Variants in SPATA9 observed in about 807,000 individuals in gnomAD.
The protein encoded by SPATA9 is spermatogenesis associated 9.
Under a neutral mutation model 25.5 loss-of-function variants are expected in SPATA9, and 27 were observed. The ratio of observed to expected loss-of-function variants is 1.06; its 90% CI spans 0.78 to 1.46. The LOEUF (loss-of-function observed/expected upper bound fraction) is 1.46. Among genes scored for constraint, SPATA9 ranks in the 40% most tolerant of loss-of-function variants. SPATA9 has a pLI of 0.00. For synonymous variants in SPATA9, 102 were observed against 105.7 expected (o/e 0.97, Z 0.21); for missense variants, 282 against 297.5 (o/e 0.95, Z 0.38).
At chr5:95,726,338 T>G in the SPATA9 span, among the ~76,000 whole-genome samples, 2 of 152,334 alleles carry the variant, frequency 1.3e-5, no homozygotes, top group East Asian at 3.9e-4. Context: ...AGAAGAGACT[T>G]TGTAGCATTT....
intron 2 of SPATA9, among the ~76,000 whole-genome samples, chr5:95,681,412 A>G (rs1398679822): frequency 2.0e-5 from 3 of 152,024 alleles, no homozygotes; most frequent in Non-Finnish European, 4.4e-5. Flanking sequence ...TACCTTGAAA[A>G]CTACTATTCA....
chr5:95,730,654 T>C, the SPATA9 span, among the ~76,000 whole-genome samples: 22 of 152,292 alleles, frequency 1.4e-4, no homozygotes, highest in African/African-American at 4.8e-4. Context: ...CATACATAAC[T>C]TCCTTTAAAA....
intron 2 of SPATA9, among the ~76,000 whole-genome samples, chr5:95,676,896 TTG>T (rs1387821585): frequency 6.6e-6 from 1 of 152,184 alleles, no homozygotes; most frequent in African/African-American, 2.4e-5. Context: ...CCTACAAAGG[TTG>T]TCTTTTCTTC....
At chr5:95,694,191 C>T (rs766731910) in intron 1 of SPATA9, among the ~76,000 whole-genome samples, 2 of 152,044 alleles carry the variant, frequency 1.3e-5, no homozygotes, top group Non-Finnish European at 2.9e-5. Flanking sequence ...GTATTACATA[C>T]ATTTTAAGTA....
the SPATA9 span, among the ~76,000 whole-genome samples, chr5:95,704,064 T>C: frequency 4.3e-3 from 653 of 150,324 alleles, 2 homozygotes; most frequent in African/African-American, 0.015. Flanking sequence ...TATACACACA[T>C]ACACACACAC....
chr5:95,712,530 A>G, the SPATA9 span, among the ~76,000 whole-genome samples: 1 of 152,230 alleles, frequency 6.6e-6, no homozygotes, highest in Non-Finnish European at 1.5e-5. Flanking sequence ...TGCTGTGAGG[A>G]ATGCAAGGGC....
intron 3 of SPATA9, among the ~76,000 whole-genome samples, chr5:95,664,594 T>A (rs1055602055): frequency 6.6e-6 from 1 of 152,224 alleles, no homozygotes; most frequent in Non-Finnish European, 1.5e-5. Flanking sequence ...ACACCAATAA[T>A]GAAGTTGCCT....
chr5:95,716,227 G>A, the SPATA9 span, among the ~76,000 whole-genome samples: 16 of 152,194 alleles, frequency 1.1e-4, no homozygotes, highest in Non-Finnish European at 1.6e-4. Context: ...AGCTTGCTCC[G>A]TGCACCTAGA....
intron 1 of SPATA9, among the ~76,000 whole-genome samples, chr5:95,697,915 A>G (rs909049422): frequency 2.0e-5 from 3 of 147,474 alleles, no homozygotes; most frequent in African/African-American, 8.1e-5. Flanking sequence ...GAAAAAAAAA[A>G]AAGCAGCTCA....
intron 1 of SPATA9, among the ~76,000 whole-genome samples, chr5:95,693,840 T>C (rs1477646687): frequency 6.6e-6 from 1 of 152,180 alleles, no homozygotes; most frequent in Non-Finnish European, 1.5e-5. Context: ...ATGTTGGAAA[T>C]AGGCAAACTA....
upstream of SPATA9, among the ~76,000 whole-genome samples, chr5:95,686,559 A>T (rs1753750864): frequency 6.6e-6 from 1 of 152,226 alleles, no homozygotes; most frequent in Non-Finnish European, 1.5e-5. Context: ...CTTAGAGACT[A>T]GTGAAAAGTT....
chr5:95,662,090 C>T (rs931404735), intron 4 of SPATA9, among the ~76,000 whole-genome samples: 2 of 152,004 alleles, frequency 1.3e-5, no homozygotes, highest in Non-Finnish European at 2.9e-5. Context: ...AATAGACCAA[C>T]TGAATAGAAC....
intron 1 of SPATA9, among the ~76,000 whole-genome samples, chr5:95,691,553 T>C (rs1418981294): frequency 6.6e-6 from 1 of 152,074 alleles, no homozygotes; most frequent in African/African-American, 2.4e-5. Context: ...TCTTTCATTC[T>C]TTGTAGTAGT....
chr5:95,653,949 G>C (rs1750537479), downstream of SPATA9: 1 of 679,700 alleles, frequency 1.5e-6, no homozygotes, highest in African/African-American at 1.8e-5. Context: ...TACAGAAAGT[G>C]CCTCCATTAA....
At chr5:95,670,382 A>G (rs1279131684) in intron 3 of SPATA9, 2 of 152,176 alleles carry the variant, frequency 1.3e-5, no homozygotes, top group South Asian at 2.1e-4. Context: ...CAGCCATATA[A>G]TAGAGAGTTT....
upstream of SPATA9, among the ~76,000 whole-genome samples, chr5:95,703,404 C>T (rs1164513775): frequency 6.6e-6 from 1 of 152,184 alleles, no homozygotes; most frequent in Non-Finnish European, 1.5e-5. Context: ...GAGGCCGAGA[C>T]AGGTGGATCC....
At chr5:95,662,909 G>T (rs114676277) in intron 4 of SPATA9, among the ~76,000 whole-genome samples, 1,525 of 152,246 alleles carry the variant, frequency 0.01, 15 homozygotes, top group African/African-American at 0.028. Context: ...AAATGGAAAA[G>T]ATTGACAATA....
At chr5:95,725,312 G>A in the SPATA9 span, among the ~76,000 whole-genome samples, 1 of 152,238 alleles carries the variant, frequency 6.6e-6, no homozygotes, top group Non-Finnish European at 1.5e-5. Flanking sequence ...CCTACAGTGT[G>A]ATCCCACTTA....
chr5:95,656,369 C>G, downstream of SPATA9: 2 of 1,377,430 alleles, frequency 1.5e-6, no homozygotes, highest in South Asian at 1.4e-5. Flanking sequence ...TAGAATAACT[C>G]TGCTTCAGTT....
Sources: allele counts gnomAD v4.1 joint callset (sites outside exome capture counted in the v4.1 genomes callset), GRCh38; gene constraint gnomAD v4.1.1; transcripts MANE v1.5; gene names NCBI Gene and HGNC (gene_info 2026-07-23, HGNC 2026-07-21).